PPFIA2: variants seen among roughly 807,000 people sequenced by gnomAD.
PPFIA2 encodes liprin-alpha-2.
PPFIA2 carries 46 observed loss-of-function variants against 175.5 expected under a neutral mutation model. The ratio of observed to expected loss-of-function variants is 0.26; its 90% CI spans 0.21 to 0.34. The LOEUF is 0.34. PPFIA2 is among the 10% of genes least tolerant of loss of function. PPFIA2 has a pLI of 1.00. For synonymous variants in PPFIA2, 568 were observed against 511.4 expected (o/e 1.11, Z -1.49); for missense variants, 1,179 against 1,506.1 (o/e 0.78, Z 3.60).
At chr12:81,556,790 G>T (rs1475407300) in intron 4 of PPFIA2, among the ~76,000 whole-genome samples, 1 of 151,724 alleles carries the variant, frequency 6.6e-6, no homozygotes, top group East Asian at 1.9e-4. Context: ...ACCCATTGTT[G>T]GGATCCTTAT....
chr12:81,295,935 A>C (rs1237146303), intron 23 of PPFIA2, among the ~76,000 whole-genome samples: 1 of 152,146 alleles, frequency 6.6e-6, no homozygotes, highest in Admixed American at 6.5e-5. Context: ...GGTTGCAGTG[A>C]GCTGAGATCA....
At chr12:81,328,818 C>CTTTTTTTTT (rs533036607) in intron 21 of PPFIA2, among the ~76,000 whole-genome samples, 1 of 134,650 alleles carries the variant, frequency 7.4e-6, no homozygotes, top group Non-Finnish European at 1.6e-5. Context: ...TTCTTTCTTT[C>CTTTTTTTTT]TTTTTTTTTT....
intron 22 of PPFIA2, among the ~76,000 whole-genome samples, chr12:81,304,077 T>C (rs534133506): frequency 1.3e-5 from 2 of 152,298 alleles, no homozygotes; most frequent in South Asian, 2.1e-4. Flanking sequence ...ACATACTTTG[T>C]CTTGATTTTC....
intron 3 of PPFIA2, among the ~76,000 whole-genome samples, chr12:81,687,097 C>A (rs1485489872): frequency 6.6e-6 from 1 of 151,986 alleles, no homozygotes; most frequent in Non-Finnish European, 1.5e-5. Flanking sequence ...GAGTCTGATG[C>A]AGGCTAAGGT....
chr12:81,634,421 G>GTTTCTGGCCTT (rs1305082432), intron 4 of PPFIA2, among the ~76,000 whole-genome samples: 1 of 151,998 alleles, frequency 6.6e-6, no homozygotes. Flanking sequence ...CACAGAGCAC[G>GTTTCTGGCCTT]TTTCTGGCCT....
chr12:81,617,736 G>A (rs528992658), intron 4 of PPFIA2, among the ~76,000 whole-genome samples: 1 of 152,286 alleles, frequency 6.6e-6, no homozygotes, highest in African/African-American at 2.4e-5. Context: ...AGTTCACAAA[G>A]CATAATGTCA....
At chr12:81,504,861 G>A (rs959297379) in intron 4 of PPFIA2, among the ~76,000 whole-genome samples, 13 of 152,036 alleles carry the variant, frequency 8.6e-5, no homozygotes, top group East Asian at 3.9e-4. Context: ...GGATGAAGCC[G>A]GAAACCATCA....
At chr12:81,540,468 T>C (rs2066038692) in intron 4 of PPFIA2, among the ~76,000 whole-genome samples, 1 of 152,018 alleles carries the variant, frequency 6.6e-6, no homozygotes, top group South Asian at 2.1e-4. Context: ...TATGGGAAAA[T>C]GCTTTGTCAG....
chr12:81,478,037 C>T (rs1358234806), intron 4 of PPFIA2, among the ~76,000 whole-genome samples: 1 of 151,976 alleles, frequency 6.6e-6, no homozygotes, highest in African/African-American at 2.4e-5. Flanking sequence ...TCCATCTTGT[C>T]CTGGGCTTTT....
At chr12:81,706,507 T>G (rs1358234769) in intron 3 of PPFIA2, among the ~76,000 whole-genome samples, 1 of 152,230 alleles carries the variant, frequency 6.6e-6, no homozygotes, top group Non-Finnish European at 1.5e-5. Flanking sequence ...TATTTATGTA[T>G]AATACTTTCC....
intron 4 of PPFIA2, among the ~76,000 whole-genome samples, chr12:81,458,889 T>TC (rs2054045912): frequency 6.6e-6 from 1 of 152,070 alleles, no homozygotes; most frequent in Non-Finnish European, 1.5e-5. Flanking sequence ...TGGGAAAACT[T>TC]AGGTCCATGC....
chr12:81,563,322 C>A (rs748176278), intron 4 of PPFIA2, among the ~76,000 whole-genome samples: 5 of 152,142 alleles, frequency 3.3e-5, no homozygotes, highest in East Asian at 1.9e-4. Flanking sequence ...TTTACTAACA[C>A]GTGCTTTTCA....
chr12:81,544,490 C>G (rs777491058), intron 4 of PPFIA2, among the ~76,000 whole-genome samples: 3 of 152,102 alleles, frequency 2.0e-5, no homozygotes, highest in Non-Finnish European at 4.4e-5. Flanking sequence ...AACATACTTC[C>G]GGCATAGCTT....
At chr12:81,733,647 T>C (rs1230366963) in intron 3 of PPFIA2, among the ~76,000 whole-genome samples, 1 of 151,708 alleles carries the variant, frequency 6.6e-6, no homozygotes, top group East Asian at 1.9e-4. Flanking sequence ...AACAAAATAT[T>C]TAAAGAGGCA....
At chr12:81,289,357 T>C (rs2044296625) in intron 24 of PPFIA2, among the ~76,000 whole-genome samples, 1 of 151,910 alleles carries the variant, frequency 6.6e-6, no homozygotes, top group African/African-American at 2.4e-5. Flanking sequence ...TTGAATTATA[T>C]GGTTATCAAA....
intron 8 of PPFIA2, among the ~76,000 whole-genome samples, chr12:81,389,026 T>A (rs946185317): frequency 6.6e-6 from 1 of 151,600 alleles, no homozygotes; most frequent in Admixed American, 6.6e-5. Flanking sequence ...ACAGATTCGC[T>A]GTTCTGGACT....
intron 3 of PPFIA2, among the ~76,000 whole-genome samples, chr12:81,678,034 A>C (rs1425091518): frequency 1.3e-5 from 2 of 151,896 alleles, no homozygotes; most frequent in Non-Finnish European, 2.9e-5. Context: ...TGAAAAAAAC[A>C]CAACTCTCTG....
chr12:81,471,053 T>C (rs190647690), intron 4 of PPFIA2: 1 of 152,296 alleles, frequency 6.6e-6, no homozygotes, highest in Non-Finnish European at 1.5e-5. Flanking sequence ...GTCTTCCAGG[T>C]CCTTTCATGT....
intron 4 of PPFIA2, among the ~76,000 whole-genome samples, chr12:81,641,125 T>C (rs2064909694): frequency 6.6e-6 from 1 of 152,174 alleles, no homozygotes; most frequent in Non-Finnish European, 1.5e-5. Context: ...TCAAATCTTC[T>C]CTTCCAGCTA....
Sources: gnomAD v4.1 joint callset for allele counts (sites outside exome capture counted in the v4.1 genomes callset) on GRCh38, gnomAD v4.1.1 for gene constraint, MANE v1.5 for transcripts, NCBI Gene and HGNC (gene_info 2026-07-23, HGNC 2026-07-21) for gene names.